The following FAM178B variants were observed in gnomAD, a reference collection of about 807,000 sequenced individuals.
FAM178B encodes the protein family with sequence similarity 178 member B.
Under a neutral mutation model 91.7 loss-of-function variants are expected in FAM178B, and 82 were observed. The ratio of observed to expected loss-of-function variants is 0.89; its 90% CI spans 0.75 to 1.07. The LOEUF (loss-of-function observed/expected upper bound fraction) is 1.07, where lower values mean the gene tolerates loss of function less well. FAM178B is among the 50% of genes least tolerant of loss of function. FAM178B has a pLI of 0.00. For synonymous variants in FAM178B, 368 were observed against 359.4 expected (o/e 1.02, Z -0.27); for missense variants, 769 against 846.7 (o/e 0.91, Z 1.14).
At chr2:96,947,193 A>T (rs1346176150) in intron 8 of FAM178B, among the ~76,000 whole-genome samples, 7 of 152,200 alleles carry the variant, frequency 4.6e-5, no homozygotes, top group African/African-American at 1.7e-4. Flanking sequence ...GGGAGGGTGC[A>T]GCCACTAGGG....
chr2:96,894,153 T>C, intron 13 of FAM178B, 102 bp from the exon 14 acceptor site: 1 of 1,390,644 alleles, frequency 7.2e-7, no homozygotes, highest in Non-Finnish European at 9.8e-7. Flanking sequence ...GGCAGTGTGT[T>C]AGGGCACTGG....
intron 12 of FAM178B, 48 bp downstream of exon 12, chr2:96,921,117 G>T (rs780431165): frequency 8.1e-6 from 12 of 1,479,608 alleles, no homozygotes; most frequent in South Asian, 2.4e-5. Context: ...ACAAGACCCC[G>T]AAGAGATGCG....
At chr2:96,901,476 G>A (rs1574218002) in intron 13 of FAM178B, among the ~76,000 whole-genome samples, 1 of 152,080 alleles carries the variant, frequency 6.6e-6, no homozygotes, top group Admixed American at 6.5e-5. Flanking sequence ...GCCCGGCTCA[G>A]AAGGCCGACC....
chr2:96,965,609 T>C (rs2082133449), intron 5 of FAM178B, among the ~76,000 whole-genome samples: 1 of 152,136 alleles, frequency 6.6e-6, no homozygotes, highest in Non-Finnish European at 1.5e-5. Context: ...ACTACGGGCA[T>C]GTGCCAACAC....
rs562111655 is a variant in FAM178B at position 96,885,438 on chromosome 2, G to A, written c.1777-6945C>T. 2.6e-5 allele frequency among the ~76,000 whole-genome samples: 4 copies of A among 152,362 alleles called. No homozygotes were observed. In the South Asian group the frequency reaches 8.3e-4, roughly 32 times the overall value. ...GTTCTATCTCTAGCTGGGGCCTGGG[G>A]CCTGGGCCCTGAGCAGCCCTGGCTC... is the stretch of plus-strand genomic sequence containing the variant. On this transcript the variant is annotated intron_variant, in intron 14 of 16. Coordinates refer to ENST00000490605, the MANE Select transcript of FAM178B (RefSeq NM_001122646.3).
At chr2:96,893,231 C>A (rs937763247) in intron 14 of FAM178B, among the ~76,000 whole-genome samples, 2 of 152,022 alleles carry the variant, frequency 1.3e-5, no homozygotes, top group Non-Finnish European at 2.9e-5. Context: ...AGGTTTAAGC[C>A]CTGCTCCCCA....
chr2:96,912,138 C>T (rs759207903), intron 12 of FAM178B, among the ~76,000 whole-genome samples: 43 of 152,220 alleles, frequency 2.8e-4, no homozygotes, highest in Middle Eastern at 3.4e-3. Context: ...CAGGCTGCCA[C>T]GCAGCCAGTG....
At chr2:96,939,404 G>A (rs947026560) in intron 8 of FAM178B, among the ~76,000 whole-genome samples, 1 of 152,160 alleles carries the variant, frequency 6.6e-6, no homozygotes, top group East Asian at 1.9e-4. Flanking sequence ...GCTGAGGCAG[G>A]AGAATGGCGT....
At chr2:96,965,903 T>C (rs2082136913) in intron 5 of FAM178B, among the ~76,000 whole-genome samples, 1 of 151,968 alleles carries the variant, frequency 6.6e-6, no homozygotes, top group Non-Finnish European at 1.5e-5. Flanking sequence ...ACCCTGAAAA[T>C]ACACCCAGAA....
intron 9 of FAM178B, among the ~76,000 whole-genome samples, chr2:96,924,249 G>C (rs370343677): frequency 6.6e-6 from 1 of 152,192 alleles, no homozygotes. Context: ...GGGTCCGTTC[G>C]ACAAGGGTGA....
At chr2:96,952,093 T>C (rs1438415260) in intron 6 of FAM178B, among the ~76,000 whole-genome samples, 1 of 152,138 alleles carries the variant, frequency 6.6e-6, no homozygotes, top group Non-Finnish European at 1.5e-5. Context: ...AGTGGAATAT[T>C]TGCCAAGGGT....
intron 12 of FAM178B, 134 bp downstream of exon 12, chr2:96,921,031 T>C (rs781714968): frequency 1.3e-5 from 9 of 679,030 alleles, no homozygotes; most frequent in Non-Finnish European, 1.8e-5. Flanking sequence ...AGTTATATTT[T>C]TAGTTCTCCC....
At chr2:96,931,226 G>A (rs1406257570) in intron 8 of FAM178B, among the ~76,000 whole-genome samples, 1 of 152,144 alleles carries the variant, frequency 6.6e-6, no homozygotes, top group Non-Finnish European at 1.5e-5. Flanking sequence ...TAGAGGGTGA[G>A]TGTCCCACCC....
chr2:96,883,485 C>A (rs546725473), intron 14 of FAM178B, among the ~76,000 whole-genome samples: 1 of 152,324 alleles, frequency 6.6e-6, no homozygotes, highest in Admixed American at 6.5e-5. Flanking sequence ...CCAGTCTTAA[C>A]CCCGGGCAAG....
At chr2:96,983,019 C>T (rs1425760623) in intron 1 of FAM178B, among the ~76,000 whole-genome samples, 1 of 151,970 alleles carries the variant, frequency 6.6e-6, no homozygotes, top group Non-Finnish European at 1.5e-5. Flanking sequence ...GCTAGGACTG[C>T]AGGCACACAC....
At chr2:96,908,921 G>C (rs1559066531) in intron 12 of FAM178B, among the ~76,000 whole-genome samples, 1 of 152,036 alleles carries the variant, frequency 6.6e-6, no homozygotes, top group Non-Finnish European at 1.5e-5. Flanking sequence ...TGAGGTGGGA[G>C]GATCACCTGA....
chr2:96,927,700 G>A (rs562692676), intron 9 of FAM178B, among the ~76,000 whole-genome samples: 1 of 152,312 alleles, frequency 6.6e-6, no homozygotes, highest in East Asian at 1.9e-4. Context: ...AGGGCAAGCC[G>A]CAGTCAAATC....
intron 12 of FAM178B, among the ~76,000 whole-genome samples, chr2:96,917,857 AAAAAC>A (rs2081267656): frequency 6.6e-6 from 1 of 152,162 alleles, no homozygotes; most frequent in South Asian, 2.1e-4. Flanking sequence ...CCCTCTCTCA[AAAAAC>A]AAAACAAAAG....
chr2:96,900,518 G>A (rs915291403), intron 13 of FAM178B, among the ~76,000 whole-genome samples: 27 of 152,104 alleles, frequency 1.8e-4, no homozygotes, highest in Non-Finnish European at 3.2e-4. Context: ...CTGCTTGGGG[G>A]TAGGGGATGG....
Sources: gnomAD v4.1 joint callset for allele counts (sites outside exome capture counted in the v4.1 genomes callset) on GRCh38, gnomAD v4.1.1 for gene constraint, MANE v1.5 for transcripts, NCBI Gene and HGNC (gene_info 2026-07-23, HGNC 2026-07-21) for gene names.